CBFA2T3: variants seen among roughly 807,000 people sequenced by gnomAD.
The protein encoded by CBFA2T3 is transcriptional corepressor CBFA2T3.
A neutral mutation model predicts 58.6 loss-of-function variants in CBFA2T3; 31 were observed. That is an observed-to-expected ratio of 0.53 (90% CI 0.40 to 0.71). The LOEUF is 0.71. Ranked by LOEUF, CBFA2T3 falls within the 30% of genes least tolerant of loss-of-function variation. CBFA2T3 has a pLI of 0.00. For synonymous variants in CBFA2T3, 531 were observed against 421.9 expected, an observed-to-expected ratio of 1.26 and a Z score of -3.17; for missense variants, 1,076 against 963.1, an observed-to-expected ratio of 1.12 and a Z score of -1.55.
In CBFA2T3 at chr16:88,930,034, T is replaced by C. The variant is rs1390145251; in HGVS notation, c.152-28378A>G. On this transcript the variant is annotated intron_variant, in intron 1 of 11. Transcript: ENST00000268679. ...CACAGCTGCATCATCCACGCAAAAG[T>C]CACCAATACCCACAGCTGCATCGTC... is the stretch of plus-strand genomic sequence containing the variant. 4.3e-3 allele frequency among the ~76,000 whole-genome samples: 277 copies of C among 65,110 alleles called. No homozygotes were observed. The Middle Eastern group carries it at 0.054, about 13-fold the overall frequency. 42.7% of individuals were successfully genotyped at this position (65,110 alleles called of 152,430 possible).
intron 1 of CBFA2T3, among the ~76,000 whole-genome samples, chr16:88,923,441 C>G (rs545060433): frequency 6.6e-6 from 1 of 152,352 alleles, no homozygotes; most frequent in East Asian, 1.9e-4. Flanking sequence ...GGGGGCCTCT[C>G]AGACCTTTGG....
chr16:88,905,189 G>A (rs1006311163), intron 1 of CBFA2T3, among the ~76,000 whole-genome samples: 15 of 152,070 alleles, frequency 9.9e-5, no homozygotes, highest in African/African-American at 3.1e-4. Flanking sequence ...AGCTGGCGCC[G>A]TCTCTGGGGC....
rs537879099 is a variant in CBFA2T3, at chr16:88,910,064, C to T, written c.152-8408G>A. On this transcript the variant is annotated intron_variant, in intron 1 of 11. Transcript: ENST00000268679. Reference sequence around the variant, plus strand: ...GTTCCTCGCTTGGTGCCTGGCTGTCCCCTCTGGCCTCACCAGCTGTCCCCT... The same window carrying T: ...GTTCCTCGCTTGGTGCCTGGCTGTCTCCTCTGGCCTCACCAGCTGTCCCCT... 4.6e-5 allele frequency among the ~76,000 whole-genome samples: 7 copies of T among 152,326 alleles called. No individual in the cohort carries two copies. In the South Asian group the frequency reaches 1.5e-3, roughly 32 times the overall value.
chr16:88,893,951 G>A (rs1293107910), intron 3 of CBFA2T3, among the ~76,000 whole-genome samples: 2 of 152,156 alleles, frequency 1.3e-5, no homozygotes, highest in African/African-American at 2.4e-5. Flanking sequence ...TGCTGACAGG[G>A]GAGGGGGACT....
At chr16:88,915,768 G>A (rs1970697848) in intron 1 of CBFA2T3, among the ~76,000 whole-genome samples, 1 of 150,204 alleles carries the variant, frequency 6.7e-6, no homozygotes, top group Non-Finnish European at 1.5e-5. Context: ...AGGGGGAAGT[G>A]CAGAGAACGA....
intron 1 of CBFA2T3, among the ~76,000 whole-genome samples, chr16:88,972,007 G>T (rs891684502): frequency 6.6e-6 from 1 of 152,178 alleles, no homozygotes; most frequent in East Asian, 1.9e-4. Flanking sequence ...GCCCCCATGG[G>T]GCCACTTCCT....
intron 5 of CBFA2T3, chr16:88,886,799 G>T (rs542749697): frequency 6.6e-6 from 1 of 152,374 alleles, no homozygotes; most frequent in African/African-American, 2.4e-5. Flanking sequence ...TGATCCTCCA[G>T]CCTTGGTGAG....
chr16:88,969,347 C>G (rs1371780474), intron 1 of CBFA2T3, among the ~76,000 whole-genome samples: 1 of 152,214 alleles, frequency 6.6e-6, no homozygotes, highest in Non-Finnish European at 1.5e-5. Flanking sequence ...AGTTCCTTCT[C>G]TACTGGGCTC....
At chr16:88,881,510 C>G (rs1375603557) in intron 8 of CBFA2T3, 21 bp from the exon 9 acceptor site, 3 of 1,593,808 alleles carry the variant, frequency 1.9e-6, no homozygotes, top group Middle Eastern at 1.8e-4. Context: ...GCGGCGCAGC[C>G]TTCAGCACCT....
At chr16:88,957,276 C>T (rs1972242021) in intron 1 of CBFA2T3, among the ~76,000 whole-genome samples, 1 of 152,252 alleles carries the variant, frequency 6.6e-6, no homozygotes. Context: ...CCCAGAGGTT[C>T]CTGGTCAGAA....
chr16:88,897,042 C>T (rs376465966), intron 3 of CBFA2T3, among the ~76,000 whole-genome samples: 14 of 152,248 alleles, frequency 9.2e-5, no homozygotes, highest in African/African-American at 2.4e-4. Context: ...AGCACCCCCG[C>T]GGCTCCCCCA....
Position 88,976,916 on chromosome 16 carries a change from C to T in CBFA2T3, c.-109G>A. 7.4e-7 allele frequency: 1 copy of T among 1,348,838 alleles called. No homozygotes were observed. Among genetic ancestry groups the T allele is most frequent in the Non-Finnish European group, 1.0e-6 (1 of 1,003,208 alleles). The allele number at this position is 1,348,838 out of a possible 1,614,324, so 83.6% of individuals were successfully genotyped here. On this transcript the variant is annotated 5_prime_UTR_variant, in exon 1 of 12. Transcript: ENST00000268679. ...AGGGAAAGAGGAGGGGCTGGGCCAG[C>T]TGGGGCGTCCTGGAGTTGGGCCTCT...
intron 1 of CBFA2T3, among the ~76,000 whole-genome samples, chr16:88,968,419 C>G (rs753046907): frequency 7.2e-5 from 11 of 152,344 alleles, no homozygotes; most frequent in Non-Finnish European, 1.3e-4. Flanking sequence ...GGCCGCAGGA[C>G]AAGCCTCACG....
intron 1 of CBFA2T3, among the ~76,000 whole-genome samples, chr16:88,967,680 C>T (rs922168882): frequency 3.9e-5 from 6 of 152,174 alleles, no homozygotes; most frequent in South Asian, 4.1e-4. Context: ...TGCTGCCCTG[C>T]GTGGCTCCCG....
At chr16:88,925,843 A>G (rs1456107253) in intron 1 of CBFA2T3, among the ~76,000 whole-genome samples, 3 of 152,212 alleles carry the variant, frequency 2.0e-5, no homozygotes, top group African/African-American at 7.2e-5. Flanking sequence ...CCCGGTACCA[A>G]GGACATGGGT....
chr16:88,907,828 C>A (rs1371017640), intron 1 of CBFA2T3, among the ~76,000 whole-genome samples: 1 of 152,276 alleles, frequency 6.6e-6, no homozygotes, highest in East Asian at 1.9e-4. Context: ...TTCCCACCCT[C>A]GATGGCTCAG....
At chr16:88,944,928 G>A (rs1971864910) in intron 1 of CBFA2T3, among the ~76,000 whole-genome samples, 1 of 152,242 alleles carries the variant, frequency 6.6e-6, no homozygotes, top group South Asian at 2.1e-4. Context: ...CAGAACACAG[G>A]CTGGTCTTTG....
intron 11 of CBFA2T3, among the ~76,000 whole-genome samples, chr16:88,878,490 G>T (rs894465799): frequency 2.6e-5 from 4 of 152,362 alleles, no homozygotes; most frequent in Admixed American, 2.6e-4. Context: ...GGCAGAAAAG[G>T]GTCGCGGAGG....
intron 5 of CBFA2T3, among the ~76,000 whole-genome samples, chr16:88,890,115 A>T (rs1293378629): frequency 5.3e-5 from 8 of 152,020 alleles, no homozygotes; most frequent in Non-Finnish European, 7.4e-5. Context: ...AAATCCCTGG[A>T]CGATGCCCCG....
Sources: gnomAD v4.1 joint callset for allele counts (sites outside exome capture counted in the v4.1 genomes callset) on GRCh38, gnomAD v4.1.1 for gene constraint, MANE v1.5 for transcripts, NCBI Gene and HGNC (gene_info 2026-07-23, HGNC 2026-07-21) for gene names.